UPF3A: variants seen among roughly 807,000 people sequenced by gnomAD.
UPF3A encodes regulator of nonsense transcripts 3A.
In UPF3A, 42 loss-of-function variants were observed where a neutral mutation model predicts 53.5. The observed-to-expected ratio is 0.78, with a 90% CI of 0.61 to 1.01. The LOEUF (loss-of-function observed/expected upper bound fraction) is 1.01. Among genes scored for constraint, UPF3A ranks in the 50% least tolerant of loss-of-function variants. The pLI is 0.00. For synonymous variants in UPF3A, 237 were observed against 225.3 expected (o/e 1.05, Z -0.47); for missense variants, 575 against 598.0 (o/e 0.96, Z 0.40).
intron 5 of UPF3A, among the ~76,000 whole-genome samples, chr13:114,288,596 A>T (rs1330174478): frequency 6.6e-6 from 1 of 152,218 alleles, no homozygotes; most frequent in African/African-American, 2.4e-5. Context: ...ACTGGAAGCC[A>T]CTGGGGGAGT....
At chr13:114,290,221 A>G (rs894406162) in intron 5 of UPF3A, among the ~76,000 whole-genome samples, 7 of 152,082 alleles carry the variant, frequency 4.6e-5, no homozygotes, top group African/African-American at 1.7e-4. Context: ...TCCTGGGACA[A>G]TCGGCTCTTC....
At chr13:114,291,840 G>A (rs766268061) in intron 7 of UPF3A, 48 bp downstream of exon 7, 1 of 1,532,502 alleles carries the variant, frequency 6.5e-7, no homozygotes. Context: ...CTCTGCTATA[G>A]TAATTACACT....
At chr13:114,304,037 C>G (rs2086826261) in intron 9 of UPF3A, among the ~76,000 whole-genome samples, 1 of 152,242 alleles carries the variant, frequency 6.6e-6, no homozygotes, top group South Asian at 2.1e-4. Context: ...GCAGCCCACA[C>G]TTGGGCTCCT....
At chr13:114,293,229 C>G (rs554916734) in intron 7 of UPF3A, among the ~76,000 whole-genome samples, 15 of 149,390 alleles carry the variant, frequency 1.0e-4, no homozygotes, top group African/African-American at 3.7e-4. Flanking sequence ...ACTAAAAACA[C>G]AAAAATGAGC....
intron 7 of UPF3A, among the ~76,000 whole-genome samples, chr13:114,296,413 G>T (rs1039946363): frequency 6.6e-6 from 1 of 152,058 alleles, no homozygotes; most frequent in Non-Finnish European, 1.5e-5. Flanking sequence ...CGGGCCTTCC[G>T]GGTTGGTGAG....
intron 5 of UPF3A, chr13:114,287,685 T>C (rs1407856431): frequency 6.6e-6 from 1 of 152,202 alleles, no homozygotes; most frequent in Admixed American, 6.5e-5. Flanking sequence ...TCTTGTTTTG[T>C]CTCCCCAGTG....
chr13:114,291,780 A>C lies in UPF3A; in HGVS notation c.834A>C (p.Glu278Asp). The C allele has an allele frequency of 6.3e-7, 1 of 1,593,290 alleles. No homozygotes were observed. Among genetic ancestry groups the C allele is most frequent in the Non-Finnish European group, 8.5e-7 (1 of 1,172,082 alleles). ...TDKQKKIAEK[E>D]VRIKLLKKPE... ...AACAGAAGAAAATTGCAGAGAAAGA[A>C]GTAAGGATTAAGGTAATTCTGAGGA... Residue 278 changes from glutamate (E) to aspartate (D), a missense_variant, in exon 7 of 10, where the codon GAA becomes GAC. This residue lies in a region of UPF3A where 323 missense variants were observed against 415.2 expected (regional missense o/e 0.78). Transcript: ENST00000375299.
chr13:114,293,945 G>T (rs1288057475), intron 7 of UPF3A, among the ~76,000 whole-genome samples: 3 of 152,108 alleles, frequency 2.0e-5, no homozygotes, highest in Non-Finnish European at 4.4e-5. Context: ...AACAGAGAGA[G>T]ACCCTGTTTC....
chr13:114,281,775 C>G lies in UPF3A; in HGVS notation c.136C>G (p.Pro46Ala). 3 of 1,556,560 alleles carry G rather than the reference C, an allele frequency of 1.9e-6. No homozygotes were observed. The highest frequency in any genetic ancestry group is 2.6e-6 in the Non-Finnish European group (3 of 1,151,076). ...GCAGCAGCAGGAGGCTGAGACGCCG[C>G]CAACTTCGTCCTCCGGTTGCGGGGG... ...DSQQQEAETP[P>A]TSSSGCGGGA... is the part of the protein sequence containing the mutation. Residue 46 changes from proline (P) to alanine (A), a missense_variant, in exon 1 of 10, where the codon CCA (proline) becomes GCA (alanine). Physicochemically the swap from Pro to Ala is conservative, Grantham distance 27. Transcript: ENST00000375299.
chr13:114,305,026 A>T lies in UPF3A; in HGVS notation c.*109A>T. 1.4e-6 allele frequency: 2 copies of T among 1,412,668 alleles called. No individual in the cohort carries two copies. The highest frequency in any genetic ancestry group is 1.9e-6 in the Non-Finnish European group (2 of 1,026,824). 87.5% of individuals were successfully genotyped at this position (1,412,668 alleles called of 1,614,324 possible). On this transcript the variant is annotated 3_prime_UTR_variant, in exon 10 of 10. Coordinates refer to ENST00000375299, the MANE Select transcript of UPF3A (RefSeq NM_023011.4). ...AACTTATTCCTTACCAGGAAACTGG[A>T]AGCTAAAAATACAGAGGGTGACGTA...
intron 5 of UPF3A, chr13:114,286,864 G>A (rs2084744383): frequency 3.9e-6 from 2 of 509,414 alleles, no homozygotes; most frequent in Admixed American, 3.6e-5. Context: ...ATCATTTTAA[G>A]TTATGATGCT....
intron 2 of UPF3A, chr13:114,282,442 G>A (rs1226664508): frequency 2.4e-5 from 24 of 985,300 alleles, no homozygotes; most frequent in Non-Finnish European, 2.5e-5. Flanking sequence ...CCGCGGACGG[G>A]GCGCTGCGGG....
Position 114,286,372 on chromosome 13 carries a change from AG to A in UPF3A, c.493del (p.Asp165MetfsTer17). On this transcript the variant is annotated frameshift_variant, in exon 4 of 10. Coordinates refer to ENST00000375299, the MANE Select transcript of UPF3A (RefSeq NM_023011.4). LOFTEE classifies it high-confidence loss of function. ...KIAKKKLRKK[D>X]AKTGSIEDDP... ...TAGCCAAAAAGAAGCTGAGAAAAAA[AG>A]ATGCCAAGACTGGAAGCATCGAAGA... is the stretch of plus-strand genomic sequence containing the variant. 6.2e-7 allele frequency: 1 copy of A among 1,614,242 alleles called. No homozygotes were observed. Among genetic ancestry groups the A allele is most frequent in the Non-Finnish European group, 8.5e-7 (1 of 1,180,040 alleles).
At chr13:114,298,102 T>TTCTATTTATG (rs2139330899) in intron 7 of UPF3A, among the ~76,000 whole-genome samples, 1 of 152,288 alleles carries the variant, frequency 6.6e-6, no homozygotes, top group African/African-American at 2.4e-5. Flanking sequence ...CTGGGCACGG[T>TTCTATTTATG]GGCTCACGCC....
intron 5 of UPF3A, among the ~76,000 whole-genome samples, chr13:114,291,225 G>A (rs1220101564): frequency 1.3e-5 from 2 of 152,098 alleles, no homozygotes; most frequent in Admixed American, 6.6e-5. Flanking sequence ...ATGATTTAAG[G>A]CACCTACAAA....
chr13:114,283,747 G>A, intron 3 of UPF3A: 1 of 985,438 alleles, frequency 1.0e-6, no homozygotes. Flanking sequence ...AGTACTTCTA[G>A]GGTTCTGCTT....
chr13:114,302,060 G>T (rs764089490), intron 9 of UPF3A, 35 bp downstream of exon 9: 2 of 1,494,948 alleles, frequency 1.3e-6, no homozygotes, highest in East Asian at 4.6e-5. Flanking sequence ...AATGTGTCTG[G>T]CTGTCTTAAG....
intron 7 of UPF3A, among the ~76,000 whole-genome samples, chr13:114,295,371 C>T (rs866090541): frequency 5.2e-5 from 7 of 133,486 alleles, no homozygotes; most frequent in Admixed American, 3.6e-4. Context: ...GCGGCTCTGG[C>T]GTGCTCCCCA....
At position 114,301,777 on chromosome 13, in the gene UPF3A, C is replaced by G; in HGVS notation, c.1054C>G (p.Gln352Glu). 1 of 1,613,874 alleles carries G rather than the reference C, an allele frequency of 6.2e-7. No homozygotes were observed. Among genetic ancestry groups the G allele is most frequent in the Non-Finnish European group, 8.5e-7 (1 of 1,179,850 alleles). ...DKEHRDVERSQEQESEAQRYH... is the reference protein window; with the variant it reads ...DKEHRDVERSEEQESEAQRYH... ...AGAGCACAGGGATGTGGAGAGATCTCAAGAACAAGAATCTGAAGCACAAAG... is the reference window on the plus strand; with the variant it reads ...AGAGCACAGGGATGTGGAGAGATCTGAAGAACAAGAATCTGAAGCACAAAG... The change falls in exon 9 of 10, where the codon CAA becomes GAA. Residue 352 changes from glutamine to glutamate, a missense_variant. Coordinates refer to ENST00000375299, the MANE Select transcript of UPF3A (RefSeq NM_023011.4).
Sources: gnomAD v4.1 joint callset for allele counts (sites outside exome capture counted in the v4.1 genomes callset) on GRCh38, gnomAD v4.1.1 for gene constraint, gnomAD v4.1.1 regional missense constraint, MANE v1.5 for transcripts, NCBI Gene and HGNC (gene_info 2026-07-23, HGNC 2026-07-21) for gene names.